Variants in SPATA9 observed in about 807,000 individuals in gnomAD.
SPATA9 encodes spermatogenesis-associated protein 9.
SPATA9 carries 27 observed loss-of-function variants against 25.5 expected under a neutral mutation model. The observed-to-expected ratio is 1.06, with a 90% CI of 0.78 to 1.46. The LOEUF is 1.46. Ranked by LOEUF, SPATA9 falls within the 40% of genes most tolerant of loss-of-function variation. The probability of loss-of-function intolerance (pLI) is 0.00; values close to 1 mark genes in which losing one functional copy is unlikely to be tolerated. For missense variants in SPATA9, 282 were observed against 297.5 expected, an observed-to-expected ratio of 0.95 and a Z score of 0.38; for synonymous variants, 102 against 105.7, an observed-to-expected ratio of 0.97 and a Z score of 0.21.
At chr5:95,696,469 G>A (rs1754024741) in intron 1 of SPATA9, among the ~76,000 whole-genome samples, 1 of 152,168 alleles carries the variant, frequency 6.6e-6, no homozygotes, top group Non-Finnish European at 1.5e-5. Context: ...TGTTTTGGGT[G>A]AAATACATAA....
At chr5:95,717,166 A>G in the SPATA9 span, 1 of 152,258 alleles carries the variant, frequency 6.6e-6, no homozygotes, top group East Asian at 1.9e-4. Context: ...TGTGGATGGG[A>G]CTCATCAAAT....
chr5:95,706,600 C>T, the SPATA9 span, among the ~76,000 whole-genome samples: 1 of 152,124 alleles, frequency 6.6e-6, no homozygotes, highest in East Asian at 1.9e-4. Context: ...ACTAACACAC[C>T]AGTAGATAAT....
chr5:95,723,304 G>C, the SPATA9 span, among the ~76,000 whole-genome samples: 5 of 152,350 alleles, frequency 3.3e-5, no homozygotes, highest in Non-Finnish European at 7.4e-5. Context: ...CCACAGGTTG[G>C]ACAAGCTTAC....
At position 95,661,998 on chromosome 5, in the gene SPATA9, G is replaced by A. The variant is rs778390097; in HGVS notation, c.474+1955C>T. On this transcript the variant is annotated intron_variant, in intron 4 of 4. Transcript: ENST00000274432. ...GAAGGATATATTATATTCATGAACC[G>A]GAAAGAGGACTTATTCTCCCAGTTA... 1.1e-4 allele frequency among the ~76,000 whole-genome samples: 16 copies of A among 152,084 alleles called. No homozygotes were observed. The East Asian group carries it at 1.7e-3, about 16-fold the overall frequency.
the SPATA9 span, chr5:95,731,597 C>T: frequency 1.4e-5 from 22 of 1,586,178 alleles, no homozygotes; most frequent in Non-Finnish European, 1.8e-5. Context: ...GAGCGGATTG[C>T]GGGTGAACTC....
rs149293051 is a variant in SPATA9, at chr5:95,663,370, A to C, written c.474+583T>G. Among the ~76,000 whole-genome samples, 15 of 152,270 alleles carry C rather than the reference A, an allele frequency of 9.9e-5. 3 individuals are homozygous for C. The East Asian group carries it at 2.7e-3, about 27-fold the overall frequency. ...TGTATAGGAAAGGGTAGTGATTGTG[A>C]GGGGCAAGAAAGAGGCTTCTGGAAT... is the stretch of plus-strand genomic sequence containing the variant. On this transcript the variant is annotated intron_variant, in intron 4 of 4. Coordinates refer to ENST00000274432, the MANE Select transcript of SPATA9 (RefSeq NM_031952.4).
chr5:95,704,033 G>T, the SPATA9 span, among the ~76,000 whole-genome samples: 2 of 151,694 alleles, frequency 1.3e-5, no homozygotes, highest in Non-Finnish European at 2.9e-5. Context: ...ACAAATAGAA[G>T]ACTGTCTCCC....
intron 2 of SPATA9, among the ~76,000 whole-genome samples, chr5:95,678,322 A>C (rs907381849): frequency 6.6e-6 from 1 of 152,222 alleles, no homozygotes; most frequent in Admixed American, 6.5e-5. Flanking sequence ...GGTCGCAGTG[A>C]GTGGAGATTG....
chr5:95,712,043 C>T, the SPATA9 span, among the ~76,000 whole-genome samples: 2 of 152,152 alleles, frequency 1.3e-5, no homozygotes, highest in Non-Finnish European at 2.9e-5. Context: ...TCAGCATGCA[C>T]TGGAGGGGGC....
chr5:95,703,506 C>T (rs80281728), upstream of SPATA9, among the ~76,000 whole-genome samples: 6,827 of 152,048 alleles, frequency 0.045, 481 homozygotes, highest in African/African-American at 0.15. Flanking sequence ...TGGTGCCACA[C>T]GCCAGTAGTC....
chr5:95,721,353 T>C, the SPATA9 span, among the ~76,000 whole-genome samples: 1 of 152,154 alleles, frequency 6.6e-6, no homozygotes, highest in Non-Finnish European at 1.5e-5. Context: ...GAGAGTGTCC[T>C]TGTCCTACCC....
At chr5:95,675,241 A>T (rs916875336) in intron 3 of SPATA9, among the ~76,000 whole-genome samples, 171 bp downstream of exon 3, 1 of 152,212 alleles carries the variant, frequency 6.6e-6, no homozygotes, top group African/African-American at 2.4e-5. Flanking sequence ...ATAAGGTAGA[A>T]AAAAGTCCAC....
intron 3 of SPATA9, among the ~76,000 whole-genome samples, chr5:95,671,412 C>CA (rs1752356152): frequency 6.6e-6 from 1 of 151,670 alleles, no homozygotes; most frequent in African/African-American, 2.4e-5. Flanking sequence ...TTTTCAATAA[C>CA]TTTTTTTTTG....
At chr5:95,661,956 G>A (rs904530129) in intron 4 of SPATA9, among the ~76,000 whole-genome samples, 2 of 151,922 alleles carry the variant, frequency 1.3e-5, no homozygotes, top group African/African-American at 4.8e-5. Flanking sequence ...AGAAATTAAA[G>A]AATATCAAAA....
At chr5:95,668,438 T>C (rs866279287) in intron 3 of SPATA9, among the ~76,000 whole-genome samples, 86 of 152,212 alleles carry the variant, frequency 5.7e-4, no homozygotes, top group African/African-American at 1.9e-3. Flanking sequence ...AAAAACATGT[T>C]TTTCATATTA....
rs148067776 is a variant in SPATA9 at position 95,672,650 on chromosome 5, C to T, written c.378+2762G>A. 1.2e-3 allele frequency among the ~76,000 whole-genome samples: 188 copies of T among 152,272 alleles called. 3 individuals carry two copies. The highest frequency in any genetic ancestry group is 0.01 in the Middle Eastern group (3 of 294). On this transcript the variant is annotated intron_variant, in intron 3 of 4. Coordinates refer to ENST00000274432, the MANE Select transcript of SPATA9 (RefSeq NM_031952.4). ...TGTCAGAAAAGATAGTCACAGTTAACATCCTGACCTTACACAAGTCACTTA... is the reference window on the plus strand; with the variant it reads ...TGTCAGAAAAGATAGTCACAGTTAATATCCTGACCTTACACAAGTCACTTA...
At position 95,664,830 on chromosome 5, in the gene SPATA9, G is replaced by T. The variant is rs1751602994; in HGVS notation, c.379-782C>A. Among the ~76,000 whole-genome samples the T allele has an allele frequency of 3.3e-5, 5 of 152,210 alleles. No individual in the cohort carries two copies. In the South Asian group the frequency reaches 1.0e-3, roughly 32 times the overall value. ...TAATGGCTTCGATGAACTTCCAAAA[G>T]GTACAGGCTGTAGCTGATAAAATCA... On this transcript the variant is annotated intron_variant, in intron 3 of 4. Transcript: ENST00000274432.
the SPATA9 span, among the ~76,000 whole-genome samples, chr5:95,712,192 A>T: frequency 4.6e-5 from 7 of 152,252 alleles, no homozygotes; most frequent in African/African-American, 9.6e-5. Flanking sequence ...AACTAATAAA[A>T]AATTGAGATT....
intron 1 of SPATA9, among the ~76,000 whole-genome samples, chr5:95,691,884 G>C (rs777685747): frequency 1.3e-4 from 20 of 152,016 alleles, no homozygotes; most frequent in Non-Finnish European, 2.1e-4. Context: ...TTTTGGTTTT[G>C]TTTGTTTCTG....
Sources: allele counts gnomAD v4.1 joint callset (sites outside exome capture counted in the v4.1 genomes callset), GRCh38; gene constraint gnomAD v4.1.1; transcripts MANE v1.5; gene names NCBI Gene and HGNC (gene_info 2026-07-23, HGNC 2026-07-21).